Variants in CSMD1 observed in about 807,000 individuals in gnomAD.
CSMD1 encodes the protein CUB and sushi domain-containing protein 1.
CSMD1 carries 213 observed loss-of-function variants against 417.5 expected under a neutral mutation model. The observed-to-expected ratio is 0.51, with a 90% CI of 0.46 to 0.57. The LOEUF is 0.57. Among genes scored for constraint, CSMD1 ranks in the 20% least tolerant of loss-of-function variants. The probability of loss-of-function intolerance (pLI) is 0.00; values close to 1 mark genes in which losing one functional copy is unlikely to be tolerated. For synonymous variants in CSMD1, 2,862 were observed against 1,736.8 expected, an observed-to-expected ratio of 1.65 and a Z score of -16.11; for missense variants, 6,923 against 4,529.7, an observed-to-expected ratio of 1.53 and a Z score of -15.17.
intron 2 of CSMD1, among the ~76,000 whole-genome samples, chr8:4,609,966 G>A (rs910554128): frequency 3.3e-5 from 5 of 151,916 alleles, no homozygotes; most frequent in African/African-American, 7.2e-5. Flanking sequence ...TACCTAATTG[G>A]TAATTCCTTC....
At chr8:4,378,679 C>T (rs1290978140) in intron 3 of CSMD1, among the ~76,000 whole-genome samples, 2 of 152,104 alleles carry the variant, frequency 1.3e-5, no homozygotes, top group African/African-American at 2.4e-5. Context: ...CCTTCCTGTC[C>T]CTGCTCAAAT....
chr8:3,609,432 T>C (rs1040290668), intron 8 of CSMD1, among the ~76,000 whole-genome samples: 2 of 152,236 alleles, frequency 1.3e-5, no homozygotes, highest in African/African-American at 4.8e-5. Flanking sequence ...CCAAACTGAC[T>C]TGAATTCAAA....
At chr8:3,169,853 C>T (rs1326593378) in intron 37 of CSMD1, among the ~76,000 whole-genome samples, 3 of 152,132 alleles carry the variant, frequency 2.0e-5, no homozygotes, top group African/African-American at 7.2e-5. Context: ...CCAGACATGC[C>T]ACAGCCCCAG....
intron 52 of CSMD1, among the ~76,000 whole-genome samples, chr8:3,004,212 A>G (rs1388120058): frequency 6.6e-6 from 1 of 152,194 alleles, no homozygotes; most frequent in Non-Finnish European, 1.5e-5. Context: ...CAGAGCCCAG[A>G]GGCTGTGATT....
intron 7 of CSMD1, among the ~76,000 whole-genome samples, chr8:3,671,989 A>G (rs1018123092): frequency 6.6e-5 from 10 of 152,184 alleles, no homozygotes; most frequent in African/African-American, 2.4e-4. Flanking sequence ...CAATACTTAA[A>G]CAAAAATAAT....
chr8:4,035,241 C>A (rs1367929932), intron 3 of CSMD1, among the ~76,000 whole-genome samples: 2 of 152,104 alleles, frequency 1.3e-5, no homozygotes, highest in Non-Finnish European at 2.9e-5. Flanking sequence ...CCGGTGTGAA[C>A]AAACCACCTG....
At chr8:4,371,330 G>A (rs192991350) in intron 3 of CSMD1, among the ~76,000 whole-genome samples, 3 of 151,978 alleles carry the variant, frequency 2.0e-5, no homozygotes, top group African/African-American at 4.8e-5. Flanking sequence ...CTGGCAACAG[G>A]CAAGTTAAAG....
In CSMD1 at chr8:2,960,817, C is replaced by T. The variant is rs116162884; in HGVS notation, c.9702+324G>A. ...CAAGTTACCCCAATCTGAGAACTGC[C>T]GTGAGAATTTAACAGACAAATAATA... On this transcript the variant is annotated intron_variant, in intron 62 of 69. Coordinates refer to ENST00000635120, the MANE Select transcript of CSMD1 (RefSeq NM_033225.6). 2.1e-3 allele frequency among the ~76,000 whole-genome samples: 311 copies of T among 151,568 alleles called. 3 individuals carry two copies. Among genetic ancestry groups the T allele is most frequent in the African/African-American group, 7.4e-3 (304 of 41,298 alleles).
intron 5 of CSMD1, among the ~76,000 whole-genome samples, chr8:3,773,449 G>C (rs1371172244): frequency 6.6e-6 from 1 of 151,968 alleles, no homozygotes; most frequent in Non-Finnish European, 1.5e-5. Flanking sequence ...ACTATGCCTG[G>C]CTAATTATTG....
chr8:3,219,288 C>A lies in CSMD1; in HGVS notation c.4639G>T (p.Val1547Leu), dbSNP rs1269511062. 1 of 1,594,976 alleles carries A rather than the reference C, an allele frequency of 6.3e-7. No homozygotes were observed. The highest frequency in any genetic ancestry group is 1.1e-5 in the South Asian group (1 of 87,990). The change falls in exon 29 of 70, where the codon GTG becomes TTG. Residue 1547 changes from valine (V) to leucine (L), a missense_variant. Physicochemically the swap from Val to Leu is conservative, Grantham distance 32 (BLOSUM62 1). Coordinates refer to ENST00000635120, the MANE Select transcript of CSMD1 (RefSeq NM_033225.6). Reference sequence around the variant, plus strand: ...TCAATGGCGAACCCTGAAAGGCCCACGGAGGCATCACTCCGAAATGCCAGA... The same window carrying A: ...TCAATGGCGAACCCTGAAAGGCCCAAGGAGGCATCACTCCGAAATGCCAGA... ...LFLAFRSDAS[V>L]GLSGFAIEFK...
At chr8:4,729,506 G>T (rs1490292924) in intron 1 of CSMD1, among the ~76,000 whole-genome samples, 1 of 152,172 alleles carries the variant, frequency 6.6e-6, no homozygotes, top group Non-Finnish European at 1.5e-5. Context: ...TTTTCTTTAA[G>T]GTGAATGAAA....
At chr8:3,427,181 G>A (rs1180948666) in intron 12 of CSMD1, among the ~76,000 whole-genome samples, 6 of 152,178 alleles carry the variant, frequency 3.9e-5, no homozygotes, top group Non-Finnish European at 8.8e-5. Context: ...GATTTTGGGT[G>A]CAGACTCAGC....
chr8:3,293,763 A>G (rs561971834), intron 25 of CSMD1, among the ~76,000 whole-genome samples: 3 of 152,240 alleles, frequency 2.0e-5, no homozygotes, highest in South Asian at 2.1e-4. Context: ...CTTCTTTGCC[A>G]TGGGTTCAAA....
At chr8:4,834,886 G>A (rs1395277728) in intron 1 of CSMD1, among the ~76,000 whole-genome samples, 2 of 147,556 alleles carry the variant, frequency 1.4e-5, no homozygotes, top group East Asian at 2.1e-4. Flanking sequence ...AAACCCGGGA[G>A]GCGGAGCTTG....
rs190627449 is a variant in CSMD1, at chr8:4,672,154, T to C, written c.86-34596A>G. 1.2e-3 allele frequency among the ~76,000 whole-genome samples: 184 copies of C among 152,322 alleles called. 1 individual carries two copies. Among genetic ancestry groups the C allele is most frequent in the Non-Finnish European group, 2.4e-3 (162 of 68,030 alleles). On this transcript the variant is annotated intron_variant, in intron 1 of 69. Coordinates refer to ENST00000635120, the MANE Select transcript of CSMD1 (RefSeq NM_033225.6). ...TGCATGAGGCTCTCACACAGTGAAA[T>C]ACCTGCTGGCTTCCATTTGCCAAGT...
At chr8:3,534,528 A>G (rs1466173916) in intron 10 of CSMD1, among the ~76,000 whole-genome samples, 1 of 152,030 alleles carries the variant, frequency 6.6e-6, no homozygotes, top group African/African-American at 2.4e-5. Flanking sequence ...CAAAAAAAAA[A>G]AAAAAAAGAA....
At chr8:4,366,447 G>C (rs932340588) in intron 3 of CSMD1, among the ~76,000 whole-genome samples, 1 of 152,134 alleles carries the variant, frequency 6.6e-6, no homozygotes, top group African/African-American at 2.4e-5. Context: ...TAATCCCAAA[G>C]GTGGGACTGC....
chr8:4,014,545 C>G (rs1006639696), intron 4 of CSMD1, among the ~76,000 whole-genome samples: 1 of 152,080 alleles, frequency 6.6e-6, no homozygotes, highest in Non-Finnish European at 1.5e-5. Context: ...TCCTAATAGC[C>G]GTTATTGGTA....
chr8:3,937,999 T>A (rs1042368621), intron 5 of CSMD1, among the ~76,000 whole-genome samples: 1 of 152,150 alleles, frequency 6.6e-6, no homozygotes, highest in Non-Finnish European at 1.5e-5. Context: ...TCAAAATAAC[T>A]AACTATAAAA....
Sources: allele counts gnomAD v4.1 joint callset (sites outside exome capture counted in the v4.1 genomes callset), GRCh38; gene constraint gnomAD v4.1.1; transcripts MANE v1.5; gene names NCBI Gene and HGNC (gene_info 2026-07-23, HGNC 2026-07-21).